Variants in GNB1 observed in about 807,000 individuals in gnomAD.
GNB1 encodes guanine nucleotide-binding protein G(I)/G(S)/G(T) subunit beta-1.
A neutral mutation model predicts 42.9 loss-of-function variants in GNB1; 2 were observed. The observed-to-expected ratio is 0.05, with a 90% CI of 0.02 to 0.15. The LOEUF (loss-of-function observed/expected upper bound fraction) is 0.15. Among genes scored for constraint, GNB1 ranks in the 10% least tolerant of loss-of-function variants. GNB1 has a pLI of 1.00. For missense variants in GNB1, 193 were observed against 462.2 expected, an observed-to-expected ratio of 0.42 and a Z score of 5.34; for synonymous variants, 183 against 174.7, an observed-to-expected ratio of 1.05 and a Z score of -0.38.
At chr1:1,795,311 G>C (rs1045739254) in intron 7 of GNB1, among the ~76,000 whole-genome samples, 2 of 152,084 alleles carry the variant, frequency 1.3e-5, no homozygotes, top group Non-Finnish European at 2.9e-5. Context: ...CCCCCACCCC[G>C]TCAGATGCCC....
intron 1 of GNB1, among the ~76,000 whole-genome samples, chr1:1,841,392 C>G (rs1647238590): frequency 6.6e-6 from 1 of 152,128 alleles, no homozygotes; most frequent in Non-Finnish European, 1.5e-5. Flanking sequence ...GTTGGCCAGG[C>G]TGGTCTCAAA....
rs1339790275 is a variant in GNB1, at chr1:1,789,768, G to C, written c.700-499C>G. ...ACTGGGATGGGAGGGGATTTGCACT[G>C]GGGAGGCACACAAACACTGTGATCT... On this transcript the variant is annotated intron_variant, in intron 9 of 11. Transcript: ENST00000378609. 2.0e-5 allele frequency among the ~76,000 whole-genome samples: 3 copies of C among 151,994 alleles called. No homozygotes were observed. The East Asian group carries it at 5.8e-4, about 29-fold the overall frequency.
chr1:1,884,930 G>A (rs957865033), intron 1 of GNB1, among the ~76,000 whole-genome samples: 3 of 148,886 alleles, frequency 2.0e-5, no homozygotes, highest in Non-Finnish European at 3.0e-5. Context: ...TGATCTGCCC[G>A]CCTGGGCCTC....
At chr1:1,851,984 G>A (rs935925658) in intron 1 of GNB1, among the ~76,000 whole-genome samples, 2 of 150,890 alleles carry the variant, frequency 1.3e-5, no homozygotes, top group Admixed American at 6.6e-5. Flanking sequence ...CAGAGATTGC[G>A]GTGAGCCAAG....
At chr1:1,845,375 C>G (rs1411532427) in intron 1 of GNB1, among the ~76,000 whole-genome samples, 1 of 152,078 alleles carries the variant, frequency 6.6e-6, no homozygotes, top group Non-Finnish European at 1.5e-5. Flanking sequence ...AGATTGAGAC[C>G]ATCCTAGCTA....
chr1:1,820,960 G>C (rs1295954576), intron 3 of GNB1, among the ~76,000 whole-genome samples: 4 of 152,272 alleles, frequency 2.6e-5, no homozygotes, highest in Admixed American at 2.6e-4. Flanking sequence ...GCTTAACAAA[G>C]AAGAAAAAGT....
At chr1:1,882,515 G>A (rs1304799697) in intron 1 of GNB1, among the ~76,000 whole-genome samples, 1 of 151,184 alleles carries the variant, frequency 6.6e-6, no homozygotes, top group African/African-American at 2.4e-5. Flanking sequence ...AAAAACAAGT[G>A]GAAAATATTT....
intron 3 of GNB1, among the ~76,000 whole-genome samples, chr1:1,820,665 A>G (rs1646919988): frequency 6.6e-6 from 1 of 152,172 alleles, no homozygotes; most frequent in African/African-American, 2.4e-5. Context: ...ATCATAAGAA[A>G]ATTTAAAATG....
intron 1 of GNB1, among the ~76,000 whole-genome samples, chr1:1,844,975 C>A (rs1647546873): frequency 2.0e-5 from 3 of 152,120 alleles, no homozygotes; most frequent in Admixed American, 6.6e-5. Flanking sequence ...AATTCAAAAA[C>A]ACACTGAACA....
At chr1:1,828,455 T>C (rs933700956) in intron 2 of GNB1, among the ~76,000 whole-genome samples, 2 of 152,172 alleles carry the variant, frequency 1.3e-5, no homozygotes, top group South Asian at 4.1e-4. Context: ...TCACATATTA[T>C]ACAAGAACAT....
intron 1 of GNB1, among the ~76,000 whole-genome samples, chr1:1,888,059 G>GA (rs1650253452): frequency 1.3e-5 from 2 of 152,252 alleles, no homozygotes; most frequent in East Asian, 1.9e-4. Context: ...AGATATCAAA[G>GA]AAAAAACAAT....
intron 2 of GNB1, among the ~76,000 whole-genome samples, chr1:1,836,070 A>G (rs1647144376): frequency 6.6e-6 from 1 of 151,972 alleles, no homozygotes; most frequent in Non-Finnish European, 1.5e-5. Context: ...AGTCTAAGAG[A>G]CAGAGTGAGA....
Position 1,787,299 on chromosome 1 carries a change from G to C in GNB1, c.*9+23C>G. 2 of 1,164,236 alleles carry C rather than the reference G, an allele frequency of 1.7e-6. No individual in the cohort carries two copies. The highest frequency in any genetic ancestry group is 2.6e-6 in the Non-Finnish European group (2 of 772,446). 72.1% of individuals were successfully genotyped at this position (1,164,236 alleles called of 1,614,324 possible). On this transcript the variant is annotated intron_variant, in intron 11 of 11. Coordinates refer to ENST00000378609, the MANE Select transcript of GNB1 (RefSeq NM_002074.5). This position sits in a 1 kb window ranked among gnomAD's most constrained non-coding sequence, Gnocchi z 4.4. ...AACACGCACAGTTCTCCTCAGAGAA[G>C]GGCATTTGGGCTGCTGCATTACCTA...
chr1:1,798,236 A>G (rs1404186610), intron 7 of GNB1, among the ~76,000 whole-genome samples: 2 of 152,240 alleles, frequency 1.3e-5, no homozygotes, highest in African/African-American at 2.4e-5. Context: ...AGTGCAGCCA[A>G]GATACTGGGG....
At position 1,787,651 on chromosome 1, in the gene GNB1, C is replaced by A. The variant is rs1646424082; in HGVS notation, c.917-214G>T. The stretch of plus-strand genomic sequence containing the variant: ...AAATTCAAAGACACGCACACACACG[C>A]AATCGATAAATCCAGAGCCCCTGGC... On this transcript the variant is annotated intron_variant, in intron 10 of 11. Coordinates refer to ENST00000378609, the MANE Select transcript of GNB1 (RefSeq NM_002074.5). This position sits in a 1 kb window ranked among gnomAD's most constrained non-coding sequence, Gnocchi z 4.4. 6.6e-6 allele frequency among the ~76,000 whole-genome samples: 1 copy of A among 152,168 alleles called. No individual in the cohort carries two copies. The highest frequency in any genetic ancestry group is 2.4e-5 in the African/African-American group (1 of 41,442).
chr1:1,832,528 A>C (rs966540818), intron 2 of GNB1, among the ~76,000 whole-genome samples: 7 of 152,250 alleles, frequency 4.6e-5, no homozygotes, highest in African/African-American at 1.7e-4. Context: ...AGGTGAAGGG[A>C]TCTGCCCCTA....
chr1:1,791,457 G>A (rs571238622), intron 8 of GNB1, among the ~76,000 whole-genome samples: 55 of 152,320 alleles, frequency 3.6e-4, no homozygotes, highest in Non-Finnish European at 7.3e-4. Context: ...TTACAGGCAT[G>A]AGCCACCGCG....
chr1:1,890,776 G>A (rs1650462259), intron 1 of GNB1, 44 bp downstream of exon 1: 1 of 148,344 alleles, frequency 6.7e-6, no homozygotes, highest in Non-Finnish European at 1.5e-5. Context: ...CGGGCGGGTG[G>A]ACGAACAGGA....
At chr1:1,788,887 C>G (rs1469955057) in intron 10 of GNB1, 166 bp downstream of exon 10, 2 of 597,634 alleles carry the variant, frequency 3.3e-6, no homozygotes, top group Non-Finnish European at 6.0e-6. Flanking sequence ...GTCCACTTGC[C>G]TGGAGGGTCA....
Sources: allele counts gnomAD v4.1 joint callset (sites outside exome capture counted in the v4.1 genomes callset), GRCh38; gene constraint gnomAD v4.1.1; non-coding constraint Gnocchi (gnomAD v3.1); transcripts MANE v1.5; gene names NCBI Gene and HGNC (gene_info 2026-07-23, HGNC 2026-07-21).